The following FMNL3 variants were observed in gnomAD, a reference collection of about 807,000 sequenced individuals.
FMNL3 encodes the protein formin like 3, also known as formin-like protein 3.
In FMNL3, 57 loss-of-function variants were observed where a neutral mutation model predicts 119.6. That is an observed-to-expected ratio of 0.48 (90% CI 0.39 to 0.59). FMNL3 has a LOEUF of 0.59. Ranked by LOEUF, FMNL3 falls within the 20% of genes least tolerant of loss-of-function variation. The pLI is 0.00. For missense variants in FMNL3, 1,053 were observed against 1,323.5 expected, an observed-to-expected ratio of 0.80 and a Z score of 3.17; for synonymous variants, 491 against 507.3, an observed-to-expected ratio of 0.97 and a Z score of 0.43.
chr12:49,656,569 T>G (rs1454218221), intron 8 of FMNL3, 72 bp from the exon 9 acceptor site: 1 of 1,385,438 alleles, frequency 7.2e-7, no homozygotes, highest in African/African-American at 1.4e-5. Context: ...TTTCCCTGAC[T>G]GGGTAAGTCC....
At chr12:49,697,727 A>T (rs796968378) in intron 1 of FMNL3, among the ~76,000 whole-genome samples, 9 of 152,354 alleles carry the variant, frequency 5.9e-5, no homozygotes, top group African/African-American at 2.2e-4. Context: ...TATAGGTTAC[A>T]AAGTGTTTTC....
At position 49,648,301 on chromosome 12, in the gene FMNL3, C is replaced by T. The variant is rs374797768; in HGVS notation, c.2568G>A (p.Glu856=). 98 of 1,613,744 alleles carry T rather than the reference C, an allele frequency of 6.1e-5. No homozygotes were observed. The highest frequency in any genetic ancestry group is 7.9e-5 in the Non-Finnish European group (93 of 1,179,834). The change falls in exon 22 of 26, where the codon GAG becomes GAA. Residue 856 remains glutamate, a synonymous_variant. Transcript: ENST00000335154. Reference sequence around the variant, plus strand: ...GGATGCTGCACTCACGCCGAATCAGCTCCATGCCCCGGCCCAGCTCCTTCA... The same window carrying T: ...GGATGCTGCACTCACGCCGAATCAGTTCCATGCCCCGGCCCAGCTCCTTCA... ...LDVKELGRGM[E]LIRRECSIHD... is the part of the protein sequence containing the mutation.
At chr12:49,687,096 CTTTTT>C (rs35284603) in intron 1 of FMNL3, among the ~76,000 whole-genome samples, 1 of 142,346 alleles carries the variant, frequency 7.0e-6, no homozygotes, top group Non-Finnish European at 1.5e-5. Flanking sequence ...TTCCCCATTC[CTTTTT>C]TTTTTTTTTT....
chr12:49,675,228 C>T (rs932986900), intron 1 of FMNL3, among the ~76,000 whole-genome samples: 7 of 152,232 alleles, frequency 4.6e-5, no homozygotes, highest in African/African-American at 1.7e-4. Flanking sequence ...GAGCTTCTGT[C>T]AGCGCTTCCC....
intron 1 of FMNL3, among the ~76,000 whole-genome samples, chr12:49,672,080 G>A (rs931586561): frequency 5.9e-5 from 9 of 152,184 alleles, no homozygotes; most frequent in African/African-American, 1.4e-4. Context: ...CCCCCTCACC[G>A]CCTGCTTCCT....
chr12:49,654,001 T>C (rs1943489752), intron 11 of FMNL3, 127 bp from the exon 12 acceptor site: 1 of 1,368,972 alleles, frequency 7.3e-7, no homozygotes, highest in African/African-American at 1.4e-5. Flanking sequence ...CTGCAGGCCA[T>C]GTCAGATTCT....
intron 4 of FMNL3, among the ~76,000 whole-genome samples, chr12:49,664,781 G>A (rs1943840473): frequency 1.3e-5 from 2 of 152,170 alleles, no homozygotes; most frequent in Admixed American, 6.5e-5. Context: ...TGCTACAGCT[G>A]GCTACACACA....
In FMNL3 at chr12:49,647,734, G is replaced by A. The variant is rs1943253224; in HGVS notation, c.2747C>T (p.Pro916Leu). ...PKTTPPSVFF[P>L]VFVRFIRSYK... The stretch of plus-strand genomic sequence containing the variant: ...AGAACGAATGAATCGGACAAATACT[G>A]GGAAGAATACAGAAGGAGGTGTAGT... Residue 916 changes from proline to leucine, a missense_variant, in exon 23 of 26, where the codon CCA becomes CTA. This residue lies in a region of FMNL3 where 324 missense variants were observed against 380.9 expected (regional missense o/e 0.85). Coordinates refer to ENST00000335154, the MANE Select transcript of FMNL3 (RefSeq NM_175736.5). The surrounding 1 kb of genome is among the most constrained non-coding windows in gnomAD (Gnocchi z 4.9). The A allele has an allele frequency of 6.2e-7, 1 of 1,614,150 alleles. No individual in the cohort carries two copies. Among genetic ancestry groups the A allele is most frequent in the East Asian group, 2.2e-5 (1 of 44,892 alleles).
Position 49,652,176 on chromosome 12 carries a change from G to A in FMNL3, c.1360C>T (p.Leu454=). 6.2e-7 allele frequency: 1 copy of A among 1,613,292 alleles called. No homozygotes were observed. Among genetic ancestry groups the A allele is most frequent in the South Asian group, 1.1e-5 (1 of 90,760 alleles). ...TCCTTCTCTTTAATGAGCCTCCGCAGGGTGTGCACCTGGTGGCTTGTGTTC... is the reference window on the plus strand; with the variant it reads ...TCCTTCTCTTTAATGAGCCTCCGCAAGGTGTGCACCTGGTGGCTTGTGTTC... ...YENTSHQVHT[L]RRLIKEKEEA... Residue 454 remains leucine (L), a synonymous_variant, in exon 14 of 26, where the codon CTG becomes TTG. Coordinates refer to ENST00000335154, the MANE Select transcript of FMNL3 (RefSeq NM_175736.5).
At chr12:49,697,182 G>A (rs952163583) in intron 1 of FMNL3, among the ~76,000 whole-genome samples, 1 of 152,192 alleles carries the variant, frequency 6.6e-6, no homozygotes, top group South Asian at 2.1e-4. Flanking sequence ...CAGGGGGTGA[G>A]TGTAGTATGT....
intron 1 of FMNL3, among the ~76,000 whole-genome samples, chr12:49,671,926 T>C (rs1198424802): frequency 6.6e-6 from 1 of 152,146 alleles, no homozygotes; most frequent in African/African-American, 2.4e-5. Context: ...AAGATCAACT[T>C]TGGGCTCTTC....
chr12:49,692,595 A>T (rs1013304713), intron 1 of FMNL3, among the ~76,000 whole-genome samples: 2 of 152,186 alleles, frequency 1.3e-5, no homozygotes, highest in Non-Finnish European at 2.9e-5. Context: ...AGCATTATAT[A>T]TACAGTCTTC....
chr12:49,663,226 T>C (rs905733988), intron 4 of FMNL3, among the ~76,000 whole-genome samples: 1 of 152,212 alleles, frequency 6.6e-6, no homozygotes, highest in Non-Finnish European at 1.5e-5. Flanking sequence ...TCTGAGTCTA[T>C]ACTGCTATTT....
chr12:49,682,702 A>G (rs1026481866), intron 1 of FMNL3, among the ~76,000 whole-genome samples: 5 of 152,220 alleles, frequency 3.3e-5, no homozygotes, highest in Admixed American at 2.6e-4. Context: ...GTTGAATAGT[A>G]TAGGTTAAAC....
At position 49,644,124 on chromosome 12, in the gene FMNL3, G is replaced by A. The variant is rs1184048471; in HGVS notation, c.*1691C>T. ...GACAGGCTGGGACACGTCAGAAAGT[G>A]AGCTGAGTGAGGGTGAGCTGGAGAG... On this transcript the variant is annotated 3_prime_UTR_variant, in exon 26 of 26. Coordinates refer to ENST00000335154, the MANE Select transcript of FMNL3 (RefSeq NM_175736.5). 1 of 1,614,206 alleles carries A rather than the reference G, an allele frequency of 6.2e-7. No homozygotes were observed. The highest frequency in any genetic ancestry group is 8.5e-7 in the Non-Finnish European group (1 of 1,180,038).
intron 15 of FMNL3, 37 bp from the exon 16 acceptor site, chr12:49,651,329 G>A: frequency 1.2e-6 from 2 of 1,605,644 alleles, no homozygotes; most frequent in Non-Finnish European, 1.7e-6. Flanking sequence ...CAGGGGCCAA[G>A]GACACACACC....
chr12:49,687,589 T>C (rs1007599646), intron 1 of FMNL3, among the ~76,000 whole-genome samples: 2 of 152,208 alleles, frequency 1.3e-5, no homozygotes, highest in African/African-American at 4.8e-5. Context: ...TACTTAACAC[T>C]ATATTATATA....
At chr12:49,663,788 C>A (rs1943807176) in intron 4 of FMNL3, among the ~76,000 whole-genome samples, 2 of 152,236 alleles carry the variant, frequency 1.3e-5, no homozygotes, top group Admixed American at 1.3e-4. Context: ...CTGTGGCCTT[C>A]TCCCAATAAA....
chr12:49,653,469 AATAAC>A lies in FMNL3; in HGVS notation c.1222-147_1222-143del, dbSNP rs577911494. The stretch of plus-strand genomic sequence containing the variant: ...TAGTCAGGTGGTTCCCTTATATTCC[AATAAC>A]AGATACAAGACAAAGGCCACATTCT... On this transcript the variant is annotated intron_variant, in intron 12 of 25. Coordinates refer to ENST00000335154, the MANE Select transcript of FMNL3 (RefSeq NM_175736.5). 7 of 913,172 alleles carry A rather than the reference AATAAC, an allele frequency of 7.7e-6. No homozygotes were observed. The South Asian group carries it at 1.0e-4, about 13-fold the overall frequency. The allele number at this position is 913,172 out of a possible 1,614,324, so 56.6% of individuals were successfully genotyped here.
Sources: allele counts gnomAD v4.1 joint callset (sites outside exome capture counted in the v4.1 genomes callset), GRCh38; gene constraint gnomAD v4.1.1; regional missense constraint gnomAD v4.1.1; non-coding constraint Gnocchi (gnomAD v3.1); transcripts MANE v1.5; gene names NCBI Gene and HGNC (gene_info 2026-07-23, HGNC 2026-07-21).